SLC25A48: variants seen among roughly 807,000 people sequenced by gnomAD.
SLC25A48 encodes the protein CTC-321K16.1.
In SLC25A48, 29 loss-of-function variants were observed where a neutral mutation model predicts 32.2. That is an observed-to-expected ratio of 0.90 (90% CI 0.67 to 1.23). The LOEUF (loss-of-function observed/expected upper bound fraction) is 1.23. SLC25A48 is among the 50% of genes most tolerant of loss of function. SLC25A48 has a pLI of 0.00. For synonymous variants in SLC25A48, 164 were observed against 172.3 expected, an observed-to-expected ratio of 0.95 and a Z score of 0.38; for missense variants, 399 against 422.7, an observed-to-expected ratio of 0.94 and a Z score of 0.49.
intron 3 of SLC25A48, among the ~76,000 whole-genome samples, chr5:135,805,900 T>G (rs1757453535): frequency 6.6e-6 from 1 of 151,650 alleles, no homozygotes; most frequent in African/African-American, 2.4e-5. Flanking sequence ...TTGTAATATC[T>G]TAGGGAGATA....
chr5:135,685,666 C>T (rs751492969), intron 3 of SLC25A48, among the ~76,000 whole-genome samples: 2 of 152,184 alleles, frequency 1.3e-5, no homozygotes, highest in African/African-American at 2.4e-5. Context: ...TCAGGTGATC[C>T]ACCCACCTCG....
chr5:135,671,036 G>T (rs1268728092), intron 3 of SLC25A48, among the ~76,000 whole-genome samples: 1 of 152,194 alleles, frequency 6.6e-6, no homozygotes, highest in Non-Finnish European at 1.5e-5. Flanking sequence ...CTGCTGTCAT[G>T]GCACGGACGA....
intron 3 of SLC25A48, among the ~76,000 whole-genome samples, chr5:135,641,650 A>G (rs1554118219): frequency 6.6e-6 from 1 of 152,212 alleles, no homozygotes; most frequent in Non-Finnish European, 1.5e-5. Context: ...GGCTTGGGAA[A>G]GGGGTCATAT....
At chr5:135,775,840 T>G (rs1212599970) in intron 3 of SLC25A48, among the ~76,000 whole-genome samples, 1 of 151,672 alleles carries the variant, frequency 6.6e-6, no homozygotes, top group Admixed American at 6.6e-5. Context: ...TCGTGGGGGT[T>G]GTACGCCCCT....
At chr5:135,798,091 T>C (rs1289559084) in intron 3 of SLC25A48, among the ~76,000 whole-genome samples, 1 of 151,894 alleles carries the variant, frequency 6.6e-6, no homozygotes, top group Non-Finnish European at 1.5e-5. Flanking sequence ...TCAAAGGGTG[T>C]GTGCACCACC....
At chr5:135,611,742 C>G (rs1351677285) in intron 1 of SLC25A48, among the ~76,000 whole-genome samples, 1 of 151,908 alleles carries the variant, frequency 6.6e-6, no homozygotes, top group Non-Finnish European at 1.5e-5. Flanking sequence ...CCTCACTTGT[C>G]TATACTAACA....
chr5:135,852,680 G>C lies in SLC25A48; in HGVS notation c.280G>C (p.Glu94Gln), dbSNP rs768929848. ...GTTCCTCAGCCAGCACCGCTGCGGG[G>C]AGCCAGAGGCCAGTCCTCCCCGCAC... ...QRFLSQHRCG[E>Q]PEASPPRTLS... The change falls in exon 4 of 8, where the codon GAG becomes CAG. Residue 94 changes from glutamate (E) to glutamine (Q), a missense_variant. By Grantham distance (29) the Glu-to-Gln change is conservative (BLOSUM62 2). Transcript: ENST00000681962. The C allele has an allele frequency of 1.9e-6, 3 of 1,613,898 alleles. No individual in the cohort carries two copies. Among genetic ancestry groups the C allele is most frequent in the Non-Finnish European group, 2.5e-6 (3 of 1,179,932 alleles).
At chr5:135,742,571 T>C in intron 3 of SLC25A48, 1 of 1,284,624 alleles carries the variant, frequency 7.8e-7, no homozygotes, top group African/African-American at 1.5e-5. Flanking sequence ...TTTCATTTTC[T>C]CTTTGATTTC....
chr5:135,625,670 A>T (rs1021946192), intron 1 of SLC25A48, among the ~76,000 whole-genome samples: 14 of 152,218 alleles, frequency 9.2e-5, no homozygotes, highest in African/African-American at 3.4e-4. Context: ...GGCAGGCTTG[A>T]TGGTGTCTGG....
intron 3 of SLC25A48, among the ~76,000 whole-genome samples, chr5:135,662,048 C>T (rs1444802338): frequency 1.3e-5 from 2 of 152,184 alleles, no homozygotes; most frequent in African/African-American, 4.8e-5. Flanking sequence ...ATTAACCTTC[C>T]ACTGGCAATG....
At chr5:135,685,532 A>G (rs1450929478) in intron 3 of SLC25A48, among the ~76,000 whole-genome samples, 1 of 150,476 alleles carries the variant, frequency 6.6e-6, no homozygotes. Context: ...TTCCGGGTTC[A>G]AGCAATTCTC....
At chr5:135,857,783 C>T (rs1458406655) in intron 4 of SLC25A48, among the ~76,000 whole-genome samples, 1 of 152,126 alleles carries the variant, frequency 6.6e-6, no homozygotes, top group Non-Finnish European at 1.5e-5. Context: ...GGCTGTGCAC[C>T]TGCCCAGGTA....
At chr5:135,673,539 A>C (rs7710084) in intron 3 of SLC25A48, among the ~76,000 whole-genome samples, 120,524 of 152,064 alleles carry the variant, frequency 0.79, 48,122 homozygotes, top group Middle Eastern at 0.89. Context: ...TCTGCTCAAA[A>C]ACTTTCTTAT....
chr5:135,780,501 T>A (rs1420935191), intron 3 of SLC25A48, among the ~76,000 whole-genome samples: 4 of 117,886 alleles, frequency 3.4e-5, no homozygotes, highest in African/African-American at 1.0e-4. Flanking sequence ...GAGAAAGACG[T>A]CACTCCCAAT....
chr5:135,660,732 G>GT (rs1753376761), intron 3 of SLC25A48, among the ~76,000 whole-genome samples: 1 of 124,926 alleles, frequency 8.0e-6, no homozygotes, highest in Non-Finnish European at 1.7e-5. Flanking sequence ...GAAGAACAGT[G>GT]CTTCTCAAGC....
At chr5:135,801,586 T>C (rs1249159226) in intron 3 of SLC25A48, among the ~76,000 whole-genome samples, 1 of 151,458 alleles carries the variant, frequency 6.6e-6, no homozygotes, top group African/African-American at 2.4e-5. Flanking sequence ...ACCTCCAATA[T>C]CGCAGAAGGT....
intron 2 of SLC25A48, among the ~76,000 whole-genome samples, chr5:135,844,934 C>A (rs1241553417): frequency 6.6e-6 from 1 of 152,146 alleles, no homozygotes; most frequent in Non-Finnish European, 1.5e-5. Flanking sequence ...AAAACCCAGG[C>A]TGACTTAATA....
At chr5:135,827,088 A>G (rs1234455918) in intron 4 of SLC25A48, 1 of 152,248 alleles carries the variant, frequency 6.6e-6, no homozygotes, top group Non-Finnish European at 1.5e-5. Flanking sequence ...GCTGAATCAC[A>G]CTGGGATTTT....
At chr5:135,622,724 T>C (rs1752353256) in intron 1 of SLC25A48, among the ~76,000 whole-genome samples, 1 of 152,258 alleles carries the variant, frequency 6.6e-6, no homozygotes, top group African/African-American at 2.4e-5. Flanking sequence ...ACACATTTTT[T>C]ATTTTCCAAT....
Sources: gnomAD v4.1 joint callset for allele counts (sites outside exome capture counted in the v4.1 genomes callset) on GRCh38, gnomAD v4.1.1 for gene constraint, MANE v1.5 for transcripts, NCBI Gene and HGNC (gene_info 2026-07-23, HGNC 2026-07-21) for gene names.